GPR179: variants seen among roughly 807,000 people sequenced by gnomAD.
GPR179 encodes the protein probable G protein-coupled receptor 179.
GPR179 carries 52 observed loss-of-function variants against 70.8 expected under a neutral mutation model. The observed-to-expected ratio is 0.73, with a 90% CI of 0.59 to 0.93. The LOEUF (loss-of-function observed/expected upper bound fraction) is 0.93. Among genes scored for constraint, GPR179 ranks in the 40% least tolerant of loss-of-function variants. The pLI is 0.00. For synonymous variants in GPR179, 1,123 were observed against 1,169.0 expected, an observed-to-expected ratio of 0.96 and a Z score of 0.80; for missense variants, 2,734 against 2,966.8, an observed-to-expected ratio of 0.92 and a Z score of 1.82.
At position 38,326,763 on chromosome 17, in the gene GPR179, G is replaced by A. The variant is rs762614388; in HGVS notation, c.6806C>T (p.Thr2269Ile). The A allele has an allele frequency of 6.2e-7, 1 of 1,614,254 alleles. No homozygotes were observed. The highest frequency in any genetic ancestry group is 1.6e-4 in the Middle Eastern group (1 of 6,062). Residue 2269 changes from threonine to isoleucine, a missense_variant, in exon 11 of 11, where the codon ACA becomes ATA. Thr to Ile is a moderately conservative substitution (Grantham distance 89, BLOSUM62 -1). Coordinates refer to ENST00000616987, the MANE Select transcript of GPR179 (RefSeq NM_001004334.4). ...AAGGCATAGTGGTTTTTCAGGAGCT[G>A]TGGGGAAAAATTCTCTCCGAGTTGC... ...LTATRREFFP[T>I]APEKPLCLLV...
chr17:38,337,586 A>G, intron 3 of GPR179, 47 bp downstream of exon 3: 1 of 1,510,390 alleles, frequency 6.6e-7, no homozygotes, highest in Non-Finnish European at 9.1e-7. Context: ...CCTCCCAACC[A>G]TCCTCTCATG....
rs779181938 is a variant in GPR179 at position 38,343,475 on chromosome 17, G to A, written c.315C>T (p.Ala105=). The A allele has an allele frequency of 1.9e-5, 31 of 1,613,882 alleles. 1 individual carries two copies. Among genetic ancestry groups the A allele is most frequent in the South Asian group, 5.5e-5 (5 of 91,094 alleles). ...LQGAAGTLAQ[A]ANFLNMLLQA... is the part of the protein sequence containing the mutation. The stretch of plus-strand genomic sequence containing the variant: ...GCAGCAGCATGTTGAGAAAATTGGC[G>A]GCCTGGGCAAGGGTGCCCGCTGCCC... Residue 105 remains alanine, a synonymous_variant, in exon 1 of 11, where the codon GCC becomes GCT. Transcript: ENST00000616987. This position sits in a 1 kb window ranked among gnomAD's most constrained non-coding sequence, Gnocchi z 4.2.
chr17:38,340,633 A>G lies in GPR179; in HGVS notation c.795-1108T>C, dbSNP rs188012622. On this transcript the variant is annotated intron_variant, in intron 1 of 10. Coordinates refer to ENST00000616987, the MANE Select transcript of GPR179 (RefSeq NM_001004334.4). ...CTGTGTCATGTAAAACTTTGGCTAA[A>G]TAGGCGGGGTGCAGTGGCTCATGCC... Among the ~76,000 whole-genome samples, 81 of 152,062 alleles carry G rather than the reference A, an allele frequency of 5.3e-4. 1 individual carries two copies. The highest frequency in any genetic ancestry group is 1.9e-3 in the African/African-American group (79 of 41,532).
In GPR179 at chr17:38,333,253, G is replaced by T. The variant is rs181203519; in HGVS notation, c.2035C>A (p.Arg679=). The change falls in exon 10 of 11, where the codon CGG becomes AGG. Residue 679 remains arginine (R), a splice_region_variant and synonymous_variant. Transcript: ENST00000616987. ...SEHSLDPGDI[R]DELKKLYAQL... ...GAGGCAGGGAGGGTGGCACATACCCGAATGTCTCCAGGGTCCAGGCTGTGC... is the reference window on the plus strand; with the variant it reads ...GAGGCAGGGAGGGTGGCACATACCCTAATGTCTCCAGGGTCCAGGCTGTGC... 1 of 1,613,650 alleles carries T rather than the reference G, an allele frequency of 6.2e-7. No homozygotes were observed. The highest frequency in any genetic ancestry group is 8.5e-7 in the Non-Finnish European group (1 of 1,179,684).
chr17:38,340,874 C>T (rs1057210518), intron 1 of GPR179, among the ~76,000 whole-genome samples: 3 of 152,174 alleles, frequency 2.0e-5, no homozygotes, highest in African/African-American at 4.8e-5. Context: ...GCCAAGATGG[C>T]GCCACTACAC....
Position 38,333,335 on chromosome 17 carries a change from C to T in GPR179, c.1953G>A (p.Leu651=). 1.2e-6 allele frequency: 2 copies of T among 1,614,042 alleles called. No individual in the cohort carries two copies. The highest frequency in any genetic ancestry group is 2.2e-5 in the East Asian group (1 of 44,860). ...GGTAGGAGCCTGAGTGCTGCAGGTC[C>T]AGCTCGTCCTCACACACCTCATCCA... is the stretch of plus-strand genomic sequence containing the variant. ...EMVDEVCEDE[L]DLQHSGSYLG... is the part of the protein sequence containing the mutation. The change falls in exon 10 of 11, where the codon CTG becomes CTA. Residue 651 remains leucine, a synonymous_variant. Transcript: ENST00000616987.
In GPR179 at chr17:38,327,881, G is replaced by T; in HGVS notation, c.5688C>A (p.Ser1896Arg). The change falls in exon 11 of 11, where the codon AGC becomes AGA. Residue 1896 changes from serine to arginine, a missense_variant. By Grantham distance (110) the Ser-to-Arg change is moderately radical (BLOSUM62 -1). Transcript: ENST00000616987. ...AQAPKISDLPSSMSSEVAEGH... is the reference protein window; with the variant it reads ...AQAPKISDLPRSMSSEVAEGH... Reference sequence around the variant, plus strand: ...CCTCTGCCACTTCACTACTCATGCTGCTGGGCAAGTCTGAGATCTTGGGGG... The same window carrying T: ...CCTCTGCCACTTCACTACTCATGCTTCTGGGCAAGTCTGAGATCTTGGGGG... 6.2e-7 allele frequency: 1 copy of T among 1,614,190 alleles called. No individual in the cohort carries two copies. Among genetic ancestry groups the T allele is most frequent in the Non-Finnish European group, 8.5e-7 (1 of 1,180,026 alleles).
Position 38,337,202 on chromosome 17 carries a change from T to G in GPR179, c.1003A>C (p.Ser335Arg). Residue 335 changes from serine (S) to arginine (R), a missense_variant, in exon 4 of 11, where the codon AGT becomes CGT. Physicochemically the swap from Ser to Arg is moderately radical, Grantham distance 110 (BLOSUM62 -1). Transcript: ENST00000616987. ...AATTGCCCGGTAGTCTGGAAGTCAC[T>G]CTCCTCTAACCCTATAAAGAACAAG... ...GASPSGGLEE[S>R]DFQTTGQFGF... The G allele has an allele frequency of 6.2e-7, 1 of 1,611,204 alleles. No individual in the cohort carries two copies. Among genetic ancestry groups the G allele is most frequent in the Non-Finnish European group, 8.5e-7 (1 of 1,179,102 alleles).
rs937799513 is a variant in GPR179 at position 38,325,734 on chromosome 17, G to A, written c.*731C>T. The A allele has an allele frequency of 6.6e-6, 1 of 152,502 alleles. No individual in the cohort carries two copies. The highest frequency in any genetic ancestry group is 1.5e-5 in the Non-Finnish European group (1 of 68,092). 9.4% of individuals were successfully genotyped at this position (152,502 alleles called of 1,614,324 possible). A position where few individuals can be genotyped will look rare whatever the true frequency, so the allele number is the denominator to read the frequency against. On this transcript the variant is annotated 3_prime_UTR_variant, in exon 11 of 11. Transcript: ENST00000616987. ...GACCTGGGGCAATTGCTTTTCTTCT[G>A]TGTTCTCTCTCTCTGATGTTGCTTT...
rs1221189907 is a variant in GPR179, at chr17:38,326,670, G to T, written c.6899C>A (p.Pro2300Gln). ...ACCTTCTAGAGTGAAAGTACTGGCTGGCCTGCTTACCTTGGGGCAGGGGAT... is the reference window on the plus strand; with the variant it reads ...ACCTTCTAGAGTGAAAGTACTGGCTTGCCTGCTTACCTTGGGGCAGGGGAT... Reference protein sequence around the residue: ...SKIPCPKVSRPASTFTLEGVR... With the variant: ...SKIPCPKVSRQASTFTLEGVR... Residue 2300 changes from proline (P) to glutamine (Q), a missense_variant, in exon 11 of 11, where the codon CCA (proline) becomes CAA (glutamine). By Grantham distance (76) the Pro-to-Gln change is moderately conservative (BLOSUM62 -1). Coordinates refer to ENST00000616987, the MANE Select transcript of GPR179 (RefSeq NM_001004334.4). 6.2e-7 allele frequency: 1 copy of T among 1,614,170 alleles called. No homozygotes were observed. The highest frequency in any genetic ancestry group is 8.5e-7 in the Non-Finnish European group (1 of 1,180,024).
chr17:38,340,747 G>A (rs2037442407), intron 1 of GPR179, among the ~76,000 whole-genome samples: 1 of 152,084 alleles, frequency 6.6e-6, no homozygotes, highest in Non-Finnish European at 1.5e-5. Flanking sequence ...GAGAAACCTT[G>A]TCTCTACTAA....
In GPR179 at chr17:38,327,054, G is replaced by GT; in HGVS notation, c.6514_6515insA (p.Ala2172AspfsTer62). 6.2e-7 allele frequency: 1 copy of GT among 1,614,180 alleles called. No homozygotes were observed. Among genetic ancestry groups the GT allele is most frequent in the Non-Finnish European group, 8.5e-7 (1 of 1,180,038 alleles). Reference sequence around the variant, plus strand: ...CTCCTGCTCTCTGGGCTTTGCTGCTGCTTTTGAGAAGTGTTCTTCCGTCCC... The same window carrying GT: ...CTCCTGCTCTCTGGGCTTTGCTGCTGTCTTTTGAGAAGTGTTCTTCCGTCCC... On this transcript the variant is annotated frameshift_variant, in exon 11 of 11. Coordinates refer to ENST00000616987, the MANE Select transcript of GPR179 (RefSeq NM_001004334.4). LOFTEE classifies it low-confidence loss of function (END_TRUNC).
intron 1 of GPR179, among the ~76,000 whole-genome samples, chr17:38,341,128 G>A (rs2037445999): frequency 1.3e-5 from 2 of 152,076 alleles, no homozygotes; most frequent in South Asian, 2.1e-4. Context: ...CAGTGTGTGC[G>A]AAGGGCATGC....
In GPR179 at chr17:38,337,540, G is replaced by A. The variant is rs2037415879; in HGVS notation, c.991+93C>T. The A allele has an allele frequency of 1.1e-5, 12 of 1,117,654 alleles. No individual in the cohort carries two copies. In the South Asian group the frequency reaches 1.6e-4, roughly 15 times the overall value. 69.2% of individuals were successfully genotyped at this position (1,117,654 alleles called of 1,614,324 possible). On this transcript the variant is annotated intron_variant, in intron 3 of 10. Coordinates refer to ENST00000616987, the MANE Select transcript of GPR179 (RefSeq NM_001004334.4). ...CTTGCCCCACAAGTTCCCTCCCAGT[G>A]TCTCACCCCAATCTGGCTTTCTTCC...
At position 38,343,076 on chromosome 17, in the gene GPR179, C is replaced by T. The variant is rs1567728406; in HGVS notation, c.714G>A (p.Glu238=). Residue 238 remains glutamate (E), a synonymous_variant, in exon 1 of 11, where the codon GAG becomes GAA. Transcript: ENST00000616987. The surrounding 1 kb of genome is among the most constrained non-coding windows in gnomAD (Gnocchi z 4.2). The stretch of plus-strand genomic sequence containing the variant: ...TCAGCCATCCAGGTCGGAGCCGTCC[C>T]TCCTGGCATTCCAGGAAAGGAGGAG... ...RLSPPFLECQ[E]GRLRPGWLIT... 1.2e-6 allele frequency: 2 copies of T among 1,614,192 alleles called. No individual in the cohort carries two copies. The highest frequency in any genetic ancestry group is 2.2e-5 in the South Asian group (2 of 91,082).
In GPR179 at chr17:38,330,733, C is replaced by G; in HGVS notation, c.2836G>C (p.Gly946Arg). The G allele has an allele frequency of 6.3e-7, 1 of 1,588,324 alleles. No individual in the cohort carries two copies. Among genetic ancestry groups the G allele is most frequent in the Non-Finnish European group, 8.6e-7 (1 of 1,164,948 alleles). ...AGCATCCTTGGCTCTCCCAGGCCCCCAGACAGGGCCAAGATGGGGGTAGAA... is the reference window on the plus strand; with the variant it reads ...AGCATCCTTGGCTCTCCCAGGCCCCGAGACAGGGCCAAGATGGGGGTAGAA... ...QVSTPILALS[G>R]GLGEPRMLSP... Residue 946 changes from glycine (G) to arginine (R), a missense_variant, in exon 11 of 11, where the codon GGG (glycine) becomes CGG (arginine). Physicochemically the swap from Gly to Arg is moderately radical, Grantham distance 125. Transcript: ENST00000616987.
chr17:38,330,814 T>C lies in GPR179; in HGVS notation c.2755A>G (p.Arg919Gly). 1 of 1,607,008 alleles carries C rather than the reference T, an allele frequency of 6.2e-7. No individual in the cohort carries two copies. Residue 919 changes from arginine to glycine, a missense_variant, in exon 11 of 11, where the codon AGG becomes GGG. Coordinates refer to ENST00000616987, the MANE Select transcript of GPR179 (RefSeq NM_001004334.4). ...SSVDSSHTSG[R>G]LHEEARRRLP... is the part of the protein sequence containing the mutation. ...CTTCTCCTAGCCTCCTCATGAAGCC[T>C]CCCAGAGGTGTGAGAGCTGTCCACG...
rs777860993 is a variant in GPR179 at position 38,330,774 on chromosome 17, G to A, written c.2795C>T (p.Pro932Leu). Residue 932 changes from proline (P) to leucine (L), a missense_variant, in exon 11 of 11, where the codon CCC becomes CTC. Pro to Leu is a moderately conservative substitution (Grantham distance 98). Coordinates refer to ENST00000616987, the MANE Select transcript of GPR179 (RefSeq NM_001004334.4). ...GGGGGTAGAAACCTGGTGCCTGATG[G>A]GTGGATGAGGCAGCCTTCTCCTAGC... ...EEARRRLPHP[P>L]IRHQVSTPIL... 17 of 1,593,026 alleles carry A rather than the reference G, an allele frequency of 1.1e-5. No individual in the cohort carries two copies. In the African/African-American group the frequency reaches 1.9e-4, roughly 18 times the overall value.
chr17:38,339,179 A>C (rs978076088), intron 2 of GPR179, among the ~76,000 whole-genome samples: 3 of 151,946 alleles, frequency 2.0e-5, no homozygotes, highest in Non-Finnish European at 2.9e-5. Flanking sequence ...AGAACACTGA[A>C]CTTTCAAAGG....
Sources: allele counts gnomAD v4.1 joint callset (sites outside exome capture counted in the v4.1 genomes callset), GRCh38; gene constraint gnomAD v4.1.1; non-coding constraint Gnocchi (gnomAD v3.1); transcripts MANE v1.5; gene names NCBI Gene and HGNC (gene_info 2026-07-23, HGNC 2026-07-21).